ERN2: variants seen among roughly 807,000 people sequenced by gnomAD.
The protein encoded by ERN2 is serine/threonine-protein kinase/endoribonuclease IRE2.
A neutral mutation model predicts 107.9 loss-of-function variants in ERN2; 111 were observed. That is an observed-to-expected ratio of 1.03 (90% CI 0.88 to 1.20). The LOEUF is 1.20. ERN2 is among the 50% of genes most tolerant of loss of function. ERN2 has a pLI of 0.00. For synonymous variants in ERN2, 524 were observed against 501.7 expected (o/e 1.04, Z -0.59); for missense variants, 1,225 against 1,197.9 (o/e 1.02, Z -0.33).
chr16:23,710,882 A>C (rs1960512672), intron 2 of ERN2, 31 bp downstream of exon 2: 2 of 1,468,938 alleles, frequency 1.4e-6, no homozygotes, highest in Admixed American at 1.7e-5. Context: ...CTATGGGCCC[A>C]AGGAGGGAGG....
intron 17 of ERN2, 41 bp from the exon 18 acceptor site, chr16:23,692,372 T>A (rs759736147): frequency 6.2e-7 from 1 of 1,601,886 alleles, no homozygotes; most frequent in Non-Finnish European, 8.5e-7. Context: ...AATCTCTGCT[T>A]CCAGGAAGTC....
chr16:23,713,107 C>T lies in ERN2; in HGVS notation c.81G>A (p.Thr27=). The T allele has an allele frequency of 1.3e-6, 2 of 1,576,014 alleles. No individual in the cohort carries two copies. The highest frequency in any genetic ancestry group is 1.2e-5 in the South Asian group (1 of 86,084). Reference sequence around the variant, plus strand: ...CCCTGGCTCTCACCTGTGGACTCAGCGTCCCGAGCAGCAGCGCCGCGAACT... The same window carrying T: ...CCCTGGCTCTCACCTGTGGACTCAGTGTCCCGAGCAGCAGCGCCGCGAACT... ...QLQFAALLLG[T]LSPQVHTLRP... Residue 27 remains threonine, a synonymous_variant, in exon 1 of 22, where the codon ACG becomes ACA. Transcript: ENST00000256797.
chr16:23,708,834 C>CA (rs2141023028), intron 4 of ERN2, among the ~76,000 whole-genome samples: 1 of 152,300 alleles, frequency 6.6e-6, no homozygotes, highest in African/African-American at 2.4e-5. Flanking sequence ...GAAGCTACTA[C>CA]ATTTCTTGTA....
chr16:23,691,264 C>A lies in ERN2; in HGVS notation c.2500+38G>T, dbSNP rs762150082. 1.9e-6 allele frequency: 3 copies of A among 1,612,396 alleles called. No homozygotes were observed. In the South Asian group the frequency reaches 3.3e-5, roughly 18 times the overall value. ...TCCCCTCCACCGCCCAGGCCCACTC[C>A]CCTCCACCGCCCAGGCCCACCTGAG... On this transcript the variant is annotated intron_variant, in intron 20 of 21. Coordinates refer to ENST00000256797, the MANE Select transcript of ERN2 (RefSeq NM_033266.4).
In ERN2 at chr16:23,704,978, C is replaced by T; in HGVS notation, c.759G>A (p.Leu253=). 1 of 1,613,972 alleles carries T rather than the reference C, an allele frequency of 6.2e-7. No homozygotes were observed. Among genetic ancestry groups the T allele is most frequent in the Non-Finnish European group, 8.5e-7 (1 of 1,180,014 alleles). Residue 253 remains leucine, a synonymous_variant, in exon 8 of 22, where the codon CTG becomes CTA. Transcript: ENST00000256797. ...GGCCCCAGCGGAGGGCGAGGAAATG[C>T]AGAGTGTCTCGAGCCAGCGTGAGAT... ...LPHLTLARDT[L]HFLALRWGHI...
At position 23,706,408 on chromosome 16, in the gene ERN2, G is replaced by C; in HGVS notation, c.511C>G (p.Pro171Ala). ...RTQYTVTMHDPRAPALRWNTT... is the reference protein window; with the variant it reads ...RTQYTVTMHDARAPALRWNTT... ...TTCCAGCGCAGGGCTGGGGCTCTTG[G>C]GTCATGCATGGTGACCGTATACTCT... is the stretch of plus-strand genomic sequence containing the variant. Residue 171 changes from proline to alanine, a missense_variant, in exon 7 of 22, where the codon CCA becomes GCA. Pro to Ala is a conservative substitution (Grantham distance 27). Transcript: ENST00000256797. 6.4e-7 allele frequency: 1 copy of C among 1,572,996 alleles called. No homozygotes were observed.
At chr16:23,705,202 A>G (rs1960255017) in intron 7 of ERN2, 55 bp from the exon 8 acceptor site, 1 of 1,585,326 alleles carries the variant, frequency 6.3e-7, no homozygotes, top group South Asian at 1.1e-5. Flanking sequence ...AAGAGGGTCC[A>G]AGGGTGTGCC....
Position 23,691,172 on chromosome 16 carries a change from T to C in ERN2, c.2525A>G (p.Lys842Arg). Residue 842 changes from lysine to arginine, a missense_variant, in exon 21 of 22, where the codon AAG becomes AGG. Transcript: ENST00000256797. Reference sequence around the variant, plus strand: ...GAGCAGGTCTCGCACTGATGTCCCCTTATAGGACCGGAACTTTCTCAGATC... The same window carrying C: ...GAGCAGGTCTCGCACTGATGTCCCCCTATAGGACCGGAACTTTCTCAGATC... ...QTDLRKFRSYKGTSVRDLLRA... is the reference protein window; with the variant it reads ...QTDLRKFRSYRGTSVRDLLRA... The C allele has an allele frequency of 3.7e-6, 6 of 1,614,018 alleles. No individual in the cohort carries two copies. Among genetic ancestry groups the C allele is most frequent in the Non-Finnish European group, 5.1e-6 (6 of 1,180,000 alleles).
Position 23,695,942 on chromosome 16 carries a change from T to C in ERN2, c.1562A>G (p.Asn521Ser), listed in dbSNP as rs756688896. The C allele has an allele frequency of 3.7e-6, 6 of 1,613,996 alleles. No homozygotes were observed. Among genetic ancestry groups the C allele is most frequent in the Non-Finnish European group, 5.1e-6 (6 of 1,179,996 alleles). The change falls in exon 14 of 22, where the codon AAT becomes AGT. Residue 521 changes from asparagine to serine, a missense_variant. Physicochemically the swap from Asn to Ser is conservative, Grantham distance 46. Coordinates refer to ENST00000256797, the MANE Select transcript of ERN2 (RefSeq NM_033266.4). ...CCCGCGGCCCAGCACGTCCTTGGGA[T>C]TGAAGGAAATCTTCCCCACTACGGT... ...QLTVVGKISF[N>S]PKDVLGRGAG...
intron 4 of ERN2, 21 bp downstream of exon 4, chr16:23,710,151 C>A: frequency 1.3e-6 from 2 of 1,589,528 alleles, no homozygotes; most frequent in Non-Finnish European, 1.7e-6. Context: ...CACCCATTCC[C>A]GAACACCATG....
intron 4 of ERN2, among the ~76,000 whole-genome samples, chr16:23,708,178 G>T (rs887589675): frequency 6.6e-6 from 1 of 152,028 alleles, no homozygotes; most frequent in Admixed American, 6.6e-5. Flanking sequence ...TCCAGAATTA[G>T]GGCTGATAAT....
intron 11 of ERN2, among the ~76,000 whole-genome samples, chr16:23,701,434 A>C (rs1398391146): frequency 6.6e-6 from 1 of 152,238 alleles, no homozygotes; most frequent in African/African-American, 2.4e-5. Context: ...GGTGATTCTG[A>C]TGAGCAACCG....
intron 12 of ERN2, 28 bp from the exon 13 acceptor site, chr16:23,700,732 T>A: frequency 6.3e-7 from 1 of 1,597,504 alleles, no homozygotes; most frequent in African/African-American, 1.3e-5. Context: ...AAGAGAGCTT[T>A]GTCCTGGCCA....
chr16:23,695,889 C>A lies in ERN2; in HGVS notation c.1610+5G>T. The A allele has an allele frequency of 6.2e-7, 1 of 1,613,296 alleles. No homozygotes were observed. The highest frequency in any genetic ancestry group is 8.5e-7 in the Non-Finnish European group (1 of 1,179,326). Reference sequence around the variant, plus strand: ...TCCCCAGCTTGGCTCCTGGCTGCCACTCACCGGAAAACGAAAGTCCCGCCT... The same window carrying A: ...TCCCCAGCTTGGCTCCTGGCTGCCAATCACCGGAAAACGAAAGTCCCGCCT... On this transcript the variant is annotated splice_donor_5th_base_variant and intron_variant, in intron 14 of 21. Transcript: ENST00000256797.
At chr16:23,691,927 G>C (rs1959612553) in intron 19 of ERN2, 36 bp downstream of exon 19, 2 of 1,599,910 alleles carry the variant, frequency 1.3e-6, no homozygotes, top group African/African-American at 1.4e-5. Context: ...CCAAACTTAG[G>C]ACTTTTGGGG....
At chr16:23,692,473 G>A in intron 17 of ERN2, 142 bp from the exon 18 acceptor site, 1 of 804,046 alleles carries the variant, frequency 1.2e-6, no homozygotes, top group Non-Finnish European at 2.0e-6. Context: ...GCATCTCCTT[G>A]GCTCTAGATC....
At chr16:23,701,139 T>G (rs1172478546) in intron 11 of ERN2, 25 bp from the exon 12 acceptor site, 1 of 1,606,038 alleles carries the variant, frequency 6.2e-7, no homozygotes, top group East Asian at 2.2e-5. Flanking sequence ...CCCTTCACTT[T>G]TAGCACCCCC....
chr16:23,693,198 G>A (rs1009359769), intron 17 of ERN2, among the ~76,000 whole-genome samples: 28 of 152,000 alleles, frequency 1.8e-4, no homozygotes, highest in African/African-American at 6.3e-4. Context: ...GGAGGCTGAG[G>A]TGAGAGGATC....
At chr16:23,691,279 G>C (rs1160250725) in intron 20 of ERN2, 23 bp downstream of exon 20, 2 of 1,612,362 alleles carry the variant, frequency 1.2e-6, no homozygotes, top group South Asian at 2.2e-5. Flanking sequence ...CACCGCCCAG[G>C]CCCACCTGAG....
Sources: allele counts gnomAD v4.1 joint callset (sites outside exome capture counted in the v4.1 genomes callset), GRCh38; gene constraint gnomAD v4.1.1; transcripts MANE v1.5; gene names NCBI Gene and HGNC (gene_info 2026-07-23, HGNC 2026-07-21).